EYS: variants seen among roughly 807,000 people sequenced by gnomAD.
EYS encodes protein eyes shut homolog.
EYS carries 250 observed loss-of-function variants against 282.1 expected under a neutral mutation model. That is an observed-to-expected ratio of 0.89 (90% confidence interval 0.80 to 0.98). The LOEUF (loss-of-function observed/expected upper bound fraction) is 0.98. Among genes scored for constraint, EYS ranks in the 50% least tolerant of loss-of-function variants. The pLI is 0.00. For missense variants in EYS, 4,016 were observed against 3,709.0 expected (o/e 1.08, Z -2.15); for synonymous variants, 1,355 against 1,282.9 (o/e 1.06, Z -1.20).
intron 5 of EYS, among the ~76,000 whole-genome samples, chr6:65,459,519 T>C (rs527973717): frequency 6.6e-6 from 1 of 152,046 alleles, no homozygotes; most frequent in South Asian, 2.1e-4. Flanking sequence ...AATGTACATA[T>C]AATGAAGAGT....
At chr6:64,542,917 G>A (rs1764734692) in intron 26 of EYS, among the ~76,000 whole-genome samples, 1 of 152,010 alleles carries the variant, frequency 6.6e-6, no homozygotes, top group Admixed American at 6.6e-5. Context: ...ATTTTACCAA[G>A]AAACTCTTGA....
At chr6:65,405,098 T>C in intron 6 of EYS, 76 bp downstream of exon 6, 1 of 985,634 alleles carries the variant, frequency 1.0e-6, no homozygotes, top group Non-Finnish European at 1.6e-6. Context: ...ATTCTAATTA[T>C]TTATTCTTTT....
chr6:64,881,200 C>A (rs368289176), intron 19 of EYS, among the ~76,000 whole-genome samples: 17 of 151,644 alleles, frequency 1.1e-4, no homozygotes, highest in African/African-American at 4.1e-4. Flanking sequence ...GTTTTTGTAC[C>A]CTTATCATCA....
chr6:64,097,581 C>T (rs918153765), intron 31 of EYS, among the ~76,000 whole-genome samples: 3 of 152,118 alleles, frequency 2.0e-5, no homozygotes, highest in Admixed American at 6.5e-5. Context: ...CCTGCTGTGC[C>T]GTTTGCTAAG....
chr6:64,253,434 G>A (rs1230043011), intron 30 of EYS, among the ~76,000 whole-genome samples: 2 of 152,138 alleles, frequency 1.3e-5, no homozygotes, highest in Non-Finnish European at 2.9e-5. Context: ...TGGCATCATA[G>A]TTTACACATC....
In EYS at chr6:65,446,286, A is replaced by G. The variant is rs115393616; in HGVS notation, c.863-40919T>C. ...TAATGAAGCCATTAATTTTTTTGGC[A>G]AAATCACCTTCAATAATTATAGCTA... On this transcript the variant is annotated intron_variant, in intron 5 of 42. Transcript: ENST00000503581. Among the ~76,000 whole-genome samples, 238 of 151,962 alleles carry G rather than the reference A, an allele frequency of 1.6e-3. 1 individual carries two copies. The highest frequency in any genetic ancestry group is 5.5e-3 in the African/African-American group (229 of 41,552).
chr6:65,077,291 A>G (rs548098453), intron 12 of EYS, among the ~76,000 whole-genome samples: 1 of 152,086 alleles, frequency 6.6e-6, no homozygotes, highest in Non-Finnish European at 1.5e-5. Context: ...TACTCAAAGT[A>G]TGCATTTACA....
intron 22 of EYS, among the ~76,000 whole-genome samples, chr6:64,727,434 A>G (rs1265663480): frequency 6.6e-6 from 1 of 152,204 alleles, no homozygotes; most frequent in Non-Finnish European, 1.5e-5. Flanking sequence ...AAGTTTACTC[A>G]TGAATCTCAA....
chr6:64,306,983 T>C lies in EYS; in HGVS notation c.6178A>G (p.Ile2060Val), dbSNP rs1260175134. ...CTGCTATTTTACCTGCAATTGTTAA[T>C]GTGATAGTTTTTCACTGCCTTGGAT... ...IPSKAVKNYH[I>V]NNCRSQGFML... is the part of the protein sequence containing the mutation. Residue 2060 changes from isoleucine (I) to valine (V), a missense_variant, in exon 30 of 43, where the codon ATT becomes GTT. By Grantham distance (29) the Ile-to-Val change is conservative (BLOSUM62 3). Transcript: ENST00000503581. The C allele has an allele frequency of 6.7e-6, 10 of 1,493,280 alleles. No homozygotes were observed. The highest frequency in any genetic ancestry group is 7.3e-6 in the Non-Finnish European group (8 of 1,096,110). 92.5% of individuals were successfully genotyped at this position (1,493,280 alleles called of 1,614,324 possible).
intron 35 of EYS, among the ~76,000 whole-genome samples, chr6:63,940,886 A>C (rs1765216425): frequency 8.1e-6 from 1 of 122,730 alleles, no homozygotes. Context: ...CCCTGTGTCC[A>C]AGTGTTCTCA....
intron 35 of EYS, among the ~76,000 whole-genome samples, chr6:63,880,906 C>T (rs1368316853): frequency 1.3e-5 from 2 of 152,108 alleles, no homozygotes; most frequent in African/African-American, 4.8e-5. Context: ...GTACAATGGC[C>T]ATTTCTCATC....
chr6:65,343,293 C>T (rs973485446), intron 10 of EYS, among the ~76,000 whole-genome samples: 13 of 151,200 alleles, frequency 8.6e-5, no homozygotes, highest in African/African-American at 3.1e-4. Context: ...GAAATGTATA[C>T]AATATGCAGA....
At chr6:65,099,164 A>G (rs1209709130) in intron 12 of EYS, among the ~76,000 whole-genome samples, 1 of 150,652 alleles carries the variant, frequency 6.6e-6, no homozygotes, top group Non-Finnish European at 1.5e-5. Context: ...CACCAAATTC[A>G]AACACCTTAA....
rs1008025925 is a variant in EYS, at chr6:63,852,456, C to A, written c.7228+11730G>T. Among the ~76,000 whole-genome samples the A allele has an allele frequency of 5.3e-5, 8 of 152,104 alleles. No homozygotes were observed. The East Asian group carries it at 7.7e-4, about 15-fold the overall frequency. On this transcript the variant is annotated intron_variant, in intron 36 of 42. Coordinates refer to ENST00000503581, the MANE Select transcript of EYS (RefSeq NM_001142800.2). ...GGAAGAAATCAAATCCCTGAATAGA[C>A]CAATAACAAGTTCTGAAATTGAGAC...
rs985352881 is a variant in EYS at position 64,822,684 on chromosome 6, T to C, written c.3131A>G (p.Asn1044Ser). ...TAGACAAGGATTTGAAAGGCAATCATTGGCGTTTGTTTCACAGTGTGTTCC... is the reference window on the plus strand; with the variant it reads ...TAGACAAGGATTTGAAAGGCAATCACTGGCGTTTGTTTCACAGTGTGTTCC... Reference protein sequence around the residue: ...FFGTHCETNANDCLSNPCLHG... With the variant: ...FFGTHCETNASDCLSNPCLHG... The change falls in exon 20 of 43, where the codon AAT (asparagine) becomes AGT (serine). Residue 1044 changes from asparagine to serine, a missense_variant. Asn to Ser is a conservative substitution (Grantham distance 46). Coordinates refer to ENST00000503581, the MANE Select transcript of EYS (RefSeq NM_001142800.2). The C allele has an allele frequency of 4.5e-6, 7 of 1,545,800 alleles. No homozygotes were observed. The Admixed American group carries it at 1.2e-4, about 26-fold the overall frequency.
chr6:64,712,479 T>C (rs950222351), intron 22 of EYS, among the ~76,000 whole-genome samples: 2 of 152,200 alleles, frequency 1.3e-5, no homozygotes, highest in South Asian at 2.1e-4. Flanking sequence ...TTATGGAAAC[T>C]TTATGTTCAG....
chr6:64,068,042 A>G (rs1771441132), intron 32 of EYS, among the ~76,000 whole-genome samples: 1 of 152,132 alleles, frequency 6.6e-6, no homozygotes, highest in African/African-American at 2.4e-5. Context: ...GAAAGTATAA[A>G]TATGATTAAC....
At chr6:63,906,575 G>C (rs918173478) in intron 35 of EYS, among the ~76,000 whole-genome samples, 1 of 152,142 alleles carries the variant, frequency 6.6e-6, no homozygotes, top group Non-Finnish European at 1.5e-5. Context: ...TAGAACTTAA[G>C]TATTCTGTAT....
chr6:65,685,676 C>T (rs1323830029), intron 1 of EYS, among the ~76,000 whole-genome samples: 1 of 151,972 alleles, frequency 6.6e-6, no homozygotes, highest in Non-Finnish European at 1.5e-5. Context: ...GTTTTAACCT[C>T]TTTTTATTTC....
Sources: allele counts gnomAD v4.1 joint callset (sites outside exome capture counted in the v4.1 genomes callset), GRCh38; gene constraint gnomAD v4.1.1; transcripts MANE v1.5; gene names NCBI Gene and HGNC (gene_info 2026-07-23, HGNC 2026-07-21).